Variants in AGBL4 observed in about 807,000 individuals in gnomAD.
AGBL4 encodes AGBL carboxypeptidase 4, also known as cytosolic carboxypeptidase 6.
AGBL4 carries 58 observed loss-of-function variants against 66.4 expected under a neutral mutation model. The ratio of observed to expected loss-of-function variants is 0.87; its 90% CI spans 0.71 to 1.09. The LOEUF is 1.09. Among genes scored for constraint, AGBL4 ranks in the 50% least tolerant of loss-of-function variants. The pLI, the probability that AGBL4 is intolerant of heterozygous loss-of-function variation, is 0.00. For missense variants in AGBL4, 579 were observed against 631.0 expected (o/e 0.92, Z 0.88); for synonymous variants, 234 against 222.9 (o/e 1.05, Z -0.44).
chr1:49,875,913 A>G (rs920351592), intron 1 of AGBL4, among the ~76,000 whole-genome samples: 240 of 149,456 alleles, frequency 1.6e-3, no homozygotes, highest in African/African-American at 5.2e-3. Flanking sequence ...GCCAGTGATG[A>G]TGAGCATTTT....
At chr1:49,395,533 A>AGTGTGTGTGTGTGT (rs149386987) in intron 3 of AGBL4, among the ~76,000 whole-genome samples, 11 of 139,354 alleles carry the variant, frequency 7.9e-5, no homozygotes, top group African/African-American at 2.4e-4. Flanking sequence ...GCCAAACACT[A>AGTGTGTGTGTGTGT]GTGTGTGTGT....
At chr1:49,548,073 A>G (rs1277861439) in intron 3 of AGBL4, among the ~76,000 whole-genome samples, 1 of 152,064 alleles carries the variant, frequency 6.6e-6, no homozygotes, top group Non-Finnish European at 1.5e-5. Context: ...TACCTGACCT[A>G]GGGGTTGAGT....
intron 6 of AGBL4, among the ~76,000 whole-genome samples, chr1:48,733,166 A>T (rs1648428559): frequency 6.6e-6 from 1 of 152,180 alleles, no homozygotes; most frequent in South Asian, 2.1e-4. Flanking sequence ...TGGGTGACAG[A>T]GTGCCCTTTA....
At chr1:49,959,648 A>G (rs1656957710) in intron 1 of AGBL4, among the ~76,000 whole-genome samples, 2 of 152,064 alleles carry the variant, frequency 1.3e-5, no homozygotes, top group South Asian at 4.1e-4. Context: ...AACTTAAAAC[A>G]ACTGCCATTT....
intron 1 of AGBL4, among the ~76,000 whole-genome samples, chr1:49,949,684 T>C: frequency 6.6e-6 from 1 of 151,728 alleles, no homozygotes; most frequent in South Asian, 2.1e-4. Flanking sequence ...TGAATGGCCA[T>C]AATCAAAAAA....
chr1:49,667,627 T>G (rs1016869398), intron 3 of AGBL4, among the ~76,000 whole-genome samples: 1 of 152,150 alleles, frequency 6.6e-6, no homozygotes, highest in East Asian at 1.9e-4. Context: ...CTTTTAAATA[T>G]CTGCACAAGG....
intron 2 of AGBL4, among the ~76,000 whole-genome samples, chr1:49,719,669 C>G (rs928598795): frequency 3.9e-5 from 6 of 152,134 alleles, no homozygotes; most frequent in Non-Finnish European, 5.9e-5. Context: ...CTTGAAAAAG[C>G]CTTTTATGTG....
Position 49,380,527 on chromosome 1 carries a change from G to A in AGBL4, c.283-134663C>T, listed in dbSNP as rs568222782. On this transcript the variant is annotated intron_variant, in intron 3 of 13. Coordinates refer to ENST00000371839, the MANE Select transcript of AGBL4 (RefSeq NM_032785.4). ...TTCATATGGAACCAAAAAAGAGCCCGCATCGCCAAGTCAATCCTAAGCCAA... is the reference window on the plus strand; with the variant it reads ...TTCATATGGAACCAAAAAAGAGCCCACATCGCCAAGTCAATCCTAAGCCAA... 3.7e-3 allele frequency among the ~76,000 whole-genome samples: 558 copies of A among 152,030 alleles called. 5 individuals carry two copies. Among genetic ancestry groups the A allele is most frequent in the African/African-American group, 0.012 (502 of 41,474 alleles).
At position 48,697,904 on chromosome 1, in the gene AGBL4, T is replaced by C. The variant is rs193020803; in HGVS notation, c.635-34663A>G. Among the ~76,000 whole-genome samples, 535 of 152,288 alleles carry C rather than the reference T, an allele frequency of 3.5e-3. 5 individuals are homozygous for C. The highest frequency in any genetic ancestry group is 6.8e-3 in the Middle Eastern group (2 of 294). On this transcript the variant is annotated intron_variant, in intron 6 of 13. Transcript: ENST00000371839. The stretch of plus-strand genomic sequence containing the variant: ...TGGCTGAATATTTGAGAAAAAAACG[T>C]TATATGCAGCTTCTGAGCCTCAGCC...
At chr1:48,578,640 C>T (rs932792512) in intron 11 of AGBL4, among the ~76,000 whole-genome samples, 3 of 152,166 alleles carry the variant, frequency 2.0e-5, no homozygotes, top group African/African-American at 7.2e-5. Flanking sequence ...TACCCATCCC[C>T]AACCACATAC....
intron 8 of AGBL4, among the ~76,000 whole-genome samples, chr1:48,652,453 A>C (rs1049625758): frequency 5.9e-5 from 9 of 152,164 alleles, no homozygotes; most frequent in African/African-American, 1.9e-4. Flanking sequence ...TCCTCAACGC[A>C]GCTGCAGCAC....
chr1:49,955,012 A>G (rs1656475331), intron 1 of AGBL4, among the ~76,000 whole-genome samples: 1 of 151,898 alleles, frequency 6.6e-6, no homozygotes, highest in African/African-American at 2.4e-5. Flanking sequence ...GGCCTCTCTT[A>G]TATTTGATTA....
intron 4 of AGBL4, among the ~76,000 whole-genome samples, chr1:49,173,100 C>A (rs1163336768): frequency 1.3e-5 from 2 of 151,402 alleles, no homozygotes; most frequent in Non-Finnish European, 2.9e-5. Context: ...GCCTGGGTAA[C>A]AAGAGTGAAA....
chr1:49,419,852 G>A (rs753239236), intron 3 of AGBL4, among the ~76,000 whole-genome samples: 3 of 152,190 alleles, frequency 2.0e-5, no homozygotes, highest in Non-Finnish European at 2.9e-5. Flanking sequence ...CTCCACAAGT[G>A]CTGGCTTAGG....
intron 2 of AGBL4, chr1:49,845,791 C>T (rs1646126521): frequency 3.8e-6 from 6 of 1,566,808 alleles, no homozygotes; most frequent in Non-Finnish European, 5.3e-6. Flanking sequence ...CGGCTCCTCA[C>T]TTAGCCAGCA....
chr1:48,625,090 CTCCTTCCTTCCT>C (rs66798647), intron 9 of AGBL4, among the ~76,000 whole-genome samples: 4,100 of 140,456 alleles, frequency 0.029, 72 homozygotes, highest in Non-Finnish European at 0.035. Context: ...TTTTTTCTTT[CTCCTTCCTTCCT>C]TCCTTCCTTC....
At chr1:49,014,107 C>T (rs578035276) in intron 5 of AGBL4, among the ~76,000 whole-genome samples, 11 of 152,086 alleles carry the variant, frequency 7.2e-5, no homozygotes, top group Non-Finnish European at 1.2e-4. Context: ...TGTGCTATTC[C>T]GTTCTTCCCC....
chr1:49,565,193 G>T (rs1208597443), intron 3 of AGBL4, among the ~76,000 whole-genome samples: 1 of 152,070 alleles, frequency 6.6e-6, no homozygotes, highest in Non-Finnish European at 1.5e-5. Flanking sequence ...TTGAGCCTAT[G>T]TGTGTCTCTG....
intron 3 of AGBL4, among the ~76,000 whole-genome samples, chr1:49,507,972 C>T (rs1648850503): frequency 6.6e-6 from 1 of 151,872 alleles, no homozygotes; most frequent in Non-Finnish European, 1.5e-5. Flanking sequence ...TTTGCAATCT[C>T]ACATAATTGT....
Sources: allele counts gnomAD v4.1 joint callset (sites outside exome capture counted in the v4.1 genomes callset), GRCh38; gene constraint gnomAD v4.1.1; transcripts MANE v1.5; gene names NCBI Gene and HGNC (gene_info 2026-07-23, HGNC 2026-07-21).